The following RABEP2 variants were observed in gnomAD, a reference collection of about 807,000 sequenced individuals.
RABEP2 encodes the protein rab GTPase-binding effector protein 2.
A neutral mutation model predicts 74.1 loss-of-function variants in RABEP2; 57 were observed. The ratio of observed to expected loss-of-function variants is 0.77; its 90% CI spans 0.62 to 0.96. RABEP2 has a LOEUF of 0.96. Among genes scored for constraint, RABEP2 ranks in the 40% least tolerant of loss-of-function variants. The pLI is 0.00. For synonymous variants in RABEP2, 351 were observed against 344.0 expected, an observed-to-expected ratio of 1.02 and a Z score of -0.23; for missense variants, 692 against 756.3, an observed-to-expected ratio of 0.91 and a Z score of 1.00.
intron 7 of RABEP2, among the ~76,000 whole-genome samples, chr16:28,909,721 T>C (rs1304958494): frequency 1.4e-5 from 2 of 146,506 alleles, no homozygotes; most frequent in East Asian, 4.0e-4. Context: ...ACACACCATT[T>C]CTTAAAAAAA....
At chr16:28,910,755 C>T (rs773632975) in intron 7 of RABEP2, 133 bp downstream of exon 7, 46 of 768,238 alleles carry the variant, frequency 6.0e-5, no homozygotes, top group South Asian at 3.1e-4. Flanking sequence ...TACCTGGCAC[C>T]GGTTCCAGGG....
rs140943439 is a variant in RABEP2 at position 28,919,784 on chromosome 16, A to G, written c.432+2T>C. ...CAGCAGGGAAGCCATCCCAATCCCA[A>G]CCTTTTCCATCTGCTTCTCCAGGGA... On this transcript the variant is annotated splice_donor_variant, in intron 3 of 12. Transcript: ENST00000358201. LOFTEE classifies it high-confidence loss of function. 3.7e-6 allele frequency: 6 copies of G among 1,604,464 alleles called. No individual in the cohort carries two copies. Among genetic ancestry groups the G allele is most frequent in the Non-Finnish European group, 5.1e-6 (6 of 1,173,792 alleles).
chr16:28,905,580 C>T, intron 11 of RABEP2, 67 bp from the exon 12 acceptor site: 1 of 1,567,160 alleles, frequency 6.4e-7, no homozygotes, highest in Non-Finnish European at 8.7e-7. Flanking sequence ...GGGTGCATGG[C>T]CAGCCGTTGC....
rs375415976 is a variant in RABEP2, at chr16:28,914,529, G to A, written c.601C>T (p.Arg201Trp). Residue 201 changes from arginine (R) to tryptophan (W), a missense_variant, in exon 5 of 13, where the codon CGG (arginine) becomes TGG (tryptophan). By Grantham distance (101) the Arg-to-Trp change is moderately radical (BLOSUM62 -3). Transcript: ENST00000358201. ...GGCTCCAGCGGGGGCGATGGATCCC[G>A]GGACAGGGGCAGCAACTCCGTGGAG... is the stretch of plus-strand genomic sequence containing the variant. ...HGSTELLPLS[R>W]DPSPPLEPLE... 134 of 1,612,570 alleles carry A rather than the reference G, an allele frequency of 8.3e-5. 1 individual carries two copies. Among genetic ancestry groups the A allele is most frequent in the East Asian group, 4.7e-4 (21 of 44,866 alleles).
chr16:28,919,569 A>G, intron 3 of RABEP2: 1 of 419,124 alleles, frequency 2.4e-6, no homozygotes. Context: ...AACTTAAGTT[A>G]ATTTTGGAGC....
intron 2 of RABEP2, among the ~76,000 whole-genome samples, chr16:28,920,370 T>C (rs1336972843): frequency 7.0e-6 from 1 of 142,728 alleles, no homozygotes; most frequent in Non-Finnish European, 1.5e-5. Context: ...TTGGTTATTA[T>C]TATTATTATT....
chr16:28,921,457 C>T (rs1017602140), intron 2 of RABEP2, among the ~76,000 whole-genome samples: 22 of 151,652 alleles, frequency 1.5e-4, no homozygotes, highest in African/African-American at 4.4e-4. Flanking sequence ...GTGTGAGCAG[C>T]GGAAGAGCAG....
intron 3 of RABEP2, 60 bp downstream of exon 3, chr16:28,919,726 C>T (rs1964443397): frequency 1.9e-6 from 3 of 1,541,456 alleles, no homozygotes; most frequent in African/African-American, 1.4e-5. Flanking sequence ...AATGGGACAT[C>T]CACAGTCCTC....
intron 2 of RABEP2, among the ~76,000 whole-genome samples, chr16:28,923,136 G>T (rs996660045): frequency 8.5e-5 from 13 of 152,134 alleles, no homozygotes; most frequent in Admixed American, 8.5e-4. Flanking sequence ...GGCCAGGCGC[G>T]GTGGCTCACA....
chr16:28,908,232 C>T (rs1410343820), intron 8 of RABEP2, among the ~76,000 whole-genome samples: 4 of 146,776 alleles, frequency 2.7e-5, no homozygotes, highest in East Asian at 2.0e-4. Context: ...TGAGCCATCG[C>T]GCCTGGCTAA....
chr16:28,906,625 C>T (rs1240476932), intron 8 of RABEP2, among the ~76,000 whole-genome samples: 2 of 152,034 alleles, frequency 1.3e-5, no homozygotes, highest in African/African-American at 2.4e-5. Flanking sequence ...AATAGCCAGG[C>T]GTGGTGGTGC....
intron 7 of RABEP2, 26 bp downstream of exon 7, chr16:28,910,862 C>T (rs1964301261): frequency 1.9e-6 from 3 of 1,589,614 alleles, no homozygotes; most frequent in Non-Finnish European, 2.6e-6. Context: ...CCTCGCCCTC[C>T]TGCCCTAGGG....
At chr16:28,920,946 C>T in intron 2 of RABEP2, 1 of 296,918 alleles carries the variant, frequency 3.4e-6, no homozygotes, top group Non-Finnish European at 6.8e-6. Context: ...TCACTGCAAC[C>T]TCAGCCTCCT....
intron 2 of RABEP2, among the ~76,000 whole-genome samples, chr16:28,922,453 G>A (rs907487336): frequency 9.9e-5 from 15 of 152,096 alleles, no homozygotes; most frequent in African/African-American, 3.6e-4. Context: ...CGGGCGTGGT[G>A]GGTCACCCCT....
intron 3 of RABEP2, among the ~76,000 whole-genome samples, chr16:28,919,442 A>G (rs1015041171): frequency 6.6e-6 from 1 of 152,238 alleles, no homozygotes; most frequent in Non-Finnish European, 1.5e-5. Flanking sequence ...GAGCCACTGC[A>G]CCAAGCCAAG....
chr16:28,909,769 A>C (rs185107829), intron 7 of RABEP2, among the ~76,000 whole-genome samples: 37 of 151,824 alleles, frequency 2.4e-4, no homozygotes, highest in African/African-American at 8.2e-4. Context: ...TTACGCCTGT[A>C]ATCCCAGCAC....
At chr16:28,905,109 C>G (rs555108085) in intron 12 of RABEP2, 65 bp from the exon 13 acceptor site, 3 of 1,403,122 alleles carry the variant, frequency 2.1e-6, no homozygotes, top group Non-Finnish European at 2.9e-6. Context: ...CCCCACCTGC[C>G]AGCCCCCAAG....
chr16:28,905,870 C>T lies in RABEP2; in HGVS notation c.1432G>A (p.Glu478Lys). 6.2e-7 allele frequency: 1 copy of T among 1,613,892 alleles called. No individual in the cohort carries two copies. Among genetic ancestry groups the T allele is most frequent in the Non-Finnish European group, 8.5e-7 (1 of 1,180,030 alleles). ...ATCACCTCCAGCACACACTCACCCT[C>T]CAGCACCTCTGTGGGAAGGAAAGAA... Reference protein sequence around the residue: ...RVQREETEVLEASLCSLRTEM... With the variant: ...RVQREETEVLKASLCSLRTEM... The change falls in exon 10 of 13, where the codon GAG becomes AAG. Residue 478 changes from glutamate to lysine, a missense_variant. By Grantham distance (56) the Glu-to-Lys change is moderately conservative. Transcript: ENST00000358201.
At chr16:28,918,338 C>T (rs1048845881) in intron 3 of RABEP2, among the ~76,000 whole-genome samples, 1 of 151,990 alleles carries the variant, frequency 6.6e-6, no homozygotes, top group Non-Finnish European at 1.5e-5. Context: ...CTGGGCCGGG[C>T]GCGGTGGTTC....
Sources: allele counts gnomAD v4.1 joint callset (sites outside exome capture counted in the v4.1 genomes callset), GRCh38; gene constraint gnomAD v4.1.1; transcripts MANE v1.5; gene names NCBI Gene and HGNC (gene_info 2026-07-23, HGNC 2026-07-21).